The following WWOX variants were observed in gnomAD, a reference collection of about 807,000 sequenced individuals.
WWOX encodes WW domain-containing oxidoreductase.
Under a neutral mutation model 46.2 loss-of-function variants are expected in WWOX, and 69 were observed. The ratio of observed to expected loss-of-function variants is 1.49; its 90% confidence interval spans 1.23 to 1.82. WWOX has a LOEUF of 1.82. Among genes scored for constraint, WWOX ranks in the 40% most tolerant of loss-of-function variants. WWOX has a pLI of 0.00. For synonymous variants in WWOX, 359 were observed against 202.6 expected, an observed-to-expected ratio of 1.77 and a Z score of -6.56; for missense variants, 919 against 542.6, an observed-to-expected ratio of 1.69 and a Z score of -6.89.
At chr16:78,621,644 G>T (rs1056472122) in intron 8 of WWOX, among the ~76,000 whole-genome samples, 1 of 77,762 alleles carries the variant, frequency 1.3e-5, no homozygotes, top group Admixed American at 1.9e-4. Flanking sequence ...TTGCTCTGTT[G>T]TCTAGGCTGG....
At chr16:78,747,653 T>C (rs1173841268) in intron 8 of WWOX, among the ~76,000 whole-genome samples, 1 of 152,172 alleles carries the variant, frequency 6.6e-6, no homozygotes, top group African/African-American at 2.4e-5. Flanking sequence ...GTTTCTTTTC[T>C]TTTGAGCACT....
intron 8 of WWOX, among the ~76,000 whole-genome samples, chr16:78,692,493 G>C (rs148242607): frequency 3.9e-5 from 6 of 152,270 alleles, no homozygotes; most frequent in African/African-American, 1.4e-4. Flanking sequence ...GCTGACATCT[G>C]TTCATTAAGA....
intron 5 of WWOX, among the ~76,000 whole-genome samples, chr16:78,219,678 T>G (rs2036829308): frequency 6.6e-6 from 1 of 152,188 alleles, no homozygotes; most frequent in Non-Finnish European, 1.5e-5. Context: ...GAAGACATTA[T>G]TTGGCAACCA....
At chr16:78,935,241 A>G (rs533711168) in intron 8 of WWOX, among the ~76,000 whole-genome samples, 1 of 152,332 alleles carries the variant, frequency 6.6e-6, no homozygotes, top group South Asian at 2.1e-4. Context: ...TGACCCAGCC[A>G]TCCCATTACT....
intron 5 of WWOX, among the ~76,000 whole-genome samples, chr16:78,313,479 C>G (rs1300198353): frequency 2.0e-5 from 3 of 152,162 alleles, no homozygotes; most frequent in Non-Finnish European, 4.4e-5. Context: ...AATTCTCCTG[C>G]CTTGGCCCCT....
At chr16:78,977,623 G>A (rs1275739592) in intron 8 of WWOX, among the ~76,000 whole-genome samples, 2 of 151,864 alleles carry the variant, frequency 1.3e-5, no homozygotes, top group African/African-American at 4.8e-5. Flanking sequence ...AGAGGAGATA[G>A]AAGAAGGAAA....
At chr16:78,704,134 A>ATT (rs887265042) in intron 8 of WWOX, among the ~76,000 whole-genome samples, 1 of 143,230 alleles carries the variant, frequency 7.0e-6, no homozygotes. Context: ...GCAGGCTGTG[A>ATT]TTTTTTTTTT....
At chr16:78,914,829 G>A (rs1301360331) in intron 8 of WWOX, among the ~76,000 whole-genome samples, 16 of 145,414 alleles carry the variant, frequency 1.1e-4, no homozygotes, top group East Asian at 2.0e-4. Flanking sequence ...CAGTGAGCCA[G>A]GATCGCGCCA....
chr16:78,810,171 G>A (rs2051148921), intron 8 of WWOX, among the ~76,000 whole-genome samples: 1 of 152,192 alleles, frequency 6.6e-6, no homozygotes, highest in South Asian at 2.1e-4. Context: ...CTTCTTCAGA[G>A]TGACGGGTAC....
intron 8 of WWOX, among the ~76,000 whole-genome samples, chr16:78,908,353 A>C (rs186008842): frequency 2.6e-5 from 4 of 152,206 alleles, no homozygotes; most frequent in East Asian, 3.9e-4. Context: ...CATCCTGGCC[A>C]AGGTGGTGAA....
intron 8 of WWOX, among the ~76,000 whole-genome samples, chr16:78,625,267 C>A (rs567061546): frequency 6.6e-6 from 1 of 152,266 alleles, no homozygotes; most frequent in South Asian, 2.1e-4. Context: ...TAGCCTCAGT[C>A]CCTCTGTGGT....
At chr16:78,418,281 G>T (rs747296806) in intron 6 of WWOX, among the ~76,000 whole-genome samples, 2 of 151,786 alleles carry the variant, frequency 1.3e-5, no homozygotes, top group African/African-American at 2.4e-5. Flanking sequence ...GGAGAATGGC[G>T]TGAACCCGGG....
chr16:78,843,311 T>C (rs1353886084), intron 8 of WWOX, among the ~76,000 whole-genome samples: 2 of 150,242 alleles, frequency 1.3e-5, no homozygotes, highest in Non-Finnish European at 3.0e-5. Context: ...TTCTTACTTT[T>C]TGGGCTGGTA....
intron 8 of WWOX, among the ~76,000 whole-genome samples, chr16:78,876,663 A>G (rs2044240663): frequency 6.6e-6 from 1 of 152,184 alleles, no homozygotes; most frequent in South Asian, 2.1e-4. Flanking sequence ...AGTTCTGGCT[A>G]TTAAAGATTT....
intron 8 of WWOX, among the ~76,000 whole-genome samples, chr16:78,521,470 C>T (rs530416781): frequency 3.9e-5 from 6 of 152,290 alleles, no homozygotes; most frequent in African/African-American, 1.4e-4. Context: ...GGCTCAAGTT[C>T]ATATTCCAAC....
chr16:78,962,472 T>G (rs2046289905), intron 8 of WWOX, among the ~76,000 whole-genome samples: 1 of 152,110 alleles, frequency 6.6e-6, no homozygotes, highest in South Asian at 2.1e-4. Flanking sequence ...ACAGTCATTT[T>G]CTAAGAAAGT....
chr16:78,367,963 G>C (rs922588868), intron 5 of WWOX, among the ~76,000 whole-genome samples: 1 of 151,964 alleles, frequency 6.6e-6, no homozygotes, highest in Non-Finnish European at 1.5e-5. Context: ...CACCATGTTG[G>C]TCAGGCTGGT....
At chr16:78,192,958 A>G (rs1246253642) in intron 5 of WWOX, among the ~76,000 whole-genome samples, 1 of 152,210 alleles carries the variant, frequency 6.6e-6, no homozygotes, top group Non-Finnish European at 1.5e-5. Flanking sequence ...TGCAAAAATA[A>G]ATGTGTGTTT....
chr16:78,114,456 A>T (rs1369244496), intron 3 of WWOX, among the ~76,000 whole-genome samples: 1 of 152,220 alleles, frequency 6.6e-6, no homozygotes, highest in African/African-American at 2.4e-5. Flanking sequence ...AATCAAAATG[A>T]GTGCTCGTAG....
Sources: allele counts gnomAD v4.1 joint callset (sites outside exome capture counted in the v4.1 genomes callset), GRCh38; gene constraint gnomAD v4.1.1; transcripts MANE v1.5; gene names NCBI Gene and HGNC (gene_info 2026-07-23, HGNC 2026-07-21).